OCA2: variants seen among roughly 807,000 people sequenced by gnomAD.
OCA2 encodes P protein.
OCA2 carries 77 observed loss-of-function variants against 100.2 expected under a neutral mutation model. The ratio of observed to expected loss-of-function variants is 0.77; its 90% CI spans 0.64 to 0.93. The LOEUF is 0.93. Ranked by LOEUF, OCA2 falls within the 40% of genes least tolerant of loss-of-function variation. OCA2 has a pLI of 0.00. For synonymous variants in OCA2, 432 were observed against 439.2 expected (o/e 0.98, Z 0.21); for missense variants, 1,062 against 1,089.1 (o/e 0.98, Z 0.35).
intron 2 of OCA2, among the ~76,000 whole-genome samples, chr15:28,060,159 G>T (rs72712692): frequency 0.098 from 14,843 of 152,162 alleles, 871 homozygotes; most frequent in African/African-American, 0.16. Flanking sequence ...TGCCGGCCCC[G>T]CACTGAGGCA....
chr15:27,788,129 A>G (rs1365816791), intron 23 of OCA2, among the ~76,000 whole-genome samples: 1 of 151,936 alleles, frequency 6.6e-6, no homozygotes, highest in Non-Finnish European at 1.5e-5. Context: ...TCAGCACTTG[A>G]TTTATGGCCT....
chr15:28,079,957 C>A (rs118038694), intron 2 of OCA2, among the ~76,000 whole-genome samples: 4 of 152,206 alleles, frequency 2.6e-5, no homozygotes, highest in African/African-American at 9.7e-5. Flanking sequence ...CCCCAGTCTG[C>A]CCCTGGTACA....
intron 9 of OCA2, 44 bp downstream of exon 9, chr15:28,014,732 G>C: frequency 1.9e-6 from 3 of 1,602,150 alleles, no homozygotes; most frequent in Middle Eastern, 1.7e-4. Context: ...AAGCCTCCCT[G>C]ACTGTGGGCC....
intron 9 of OCA2, among the ~76,000 whole-genome samples, chr15:28,008,099 A>G (rs2042139184): frequency 6.6e-6 from 1 of 152,242 alleles, no homozygotes; most frequent in Admixed American, 6.5e-5. Context: ...ACTGGGAATC[A>G]ACACTGAACA....
chr15:27,838,818 A>G (rs1324940205), intron 23 of OCA2, among the ~76,000 whole-genome samples: 1 of 152,210 alleles, frequency 6.6e-6, no homozygotes, highest in Non-Finnish European at 1.5e-5. Flanking sequence ...TTAAGGATGT[A>G]GAACGCAGCT....
chr15:27,908,276 A>G (rs189609220), intron 19 of OCA2, among the ~76,000 whole-genome samples: 1 of 152,334 alleles, frequency 6.6e-6, no homozygotes, highest in East Asian at 1.9e-4. Flanking sequence ...AGTGAAAAAT[A>G]ATATGATGAT....
chr15:27,894,379 G>A (rs557740515), intron 19 of OCA2, among the ~76,000 whole-genome samples: 39 of 152,266 alleles, frequency 2.6e-4, no homozygotes, highest in Non-Finnish European at 4.1e-4. Flanking sequence ...CTGAAAGCTG[G>A]GAAATGAAAC....
At chr15:27,850,922 C>T (rs2035724859) in intron 22 of OCA2, among the ~76,000 whole-genome samples, 1 of 152,180 alleles carries the variant, frequency 6.6e-6, no homozygotes, top group Non-Finnish European at 1.5e-5. Flanking sequence ...TAATCCACTC[C>T]TCACTGTCTC....
rs759428753 is a variant in OCA2, at chr15:27,755,181, G to C, written c.*207C>G. On this transcript the variant is annotated 3_prime_UTR_variant, in exon 24 of 24. Coordinates refer to ENST00000354638, the MANE Select transcript of OCA2 (RefSeq NM_000275.3). ...CATCTTTCTACATTTTGTCCTTGGG[G>C]AGAAAGGACACACAGAGGAGGTCAT... 3.6e-6 allele frequency: 2 copies of C among 551,490 alleles called. No homozygotes were observed. Among genetic ancestry groups the C allele is most frequent in the Non-Finnish European group, 6.6e-6 (2 of 300,982 alleles). The allele number at this position is 551,490 out of a possible 1,614,324, so 34.2% of individuals were successfully genotyped here.
At chr15:28,089,407 A>T (rs7496514) in intron 1 of OCA2, among the ~76,000 whole-genome samples, 55,436 of 152,046 alleles carry the variant, frequency 0.36, 13,964 homozygotes, top group East Asian at 0.78. Flanking sequence ...CAATTTATGT[A>T]AAGAGATTGC....
At chr15:27,739,693 G>A in the OCA2 span, among the ~76,000 whole-genome samples, 13 of 152,058 alleles carry the variant, frequency 8.5e-5, no homozygotes, top group Non-Finnish European at 2.9e-5. Context: ...TGATCCACCC[G>A]CCTTGGCCTC....
chr15:27,741,498 A>G, the OCA2 span, among the ~76,000 whole-genome samples: 2 of 152,226 alleles, frequency 1.3e-5, no homozygotes, highest in Non-Finnish European at 2.9e-5. Context: ...CTCAGTGGAC[A>G]TGAGAAAGGA....
At chr15:27,809,013 G>T (rs2033971421) in intron 23 of OCA2, among the ~76,000 whole-genome samples, 1 of 152,136 alleles carries the variant, frequency 6.6e-6, no homozygotes, top group Admixed American at 6.5e-5. Flanking sequence ...TCCAGCCAGT[G>T]TCCTCCACAC....
At chr15:27,754,564 C>T (rs1181401954), downstream of OCA2, among the ~76,000 whole-genome samples, 1 of 152,176 alleles carries the variant, frequency 6.6e-6, no homozygotes, top group East Asian at 1.9e-4. Flanking sequence ...TCTCATTACC[C>T]TTACCTCACA....
chr15:27,841,107 T>C (rs1416554088), intron 23 of OCA2, among the ~76,000 whole-genome samples: 1 of 152,232 alleles, frequency 6.6e-6, no homozygotes, highest in Non-Finnish European at 1.5e-5. Flanking sequence ...CTGTGGTCCA[T>C]CCATACCATG....
At chr15:27,979,905 G>A (rs555924318) in intron 14 of OCA2, among the ~76,000 whole-genome samples, 1 of 144,664 alleles carries the variant, frequency 6.9e-6, no homozygotes, top group African/African-American at 2.6e-5. Flanking sequence ...TAGTAGAGAC[G>A]GGTTTTAACC....
At chr15:27,852,706 G>T (rs1431435902) in intron 21 of OCA2, among the ~76,000 whole-genome samples, 35 of 150,512 alleles carry the variant, frequency 2.3e-4, no homozygotes, top group South Asian at 2.1e-4. Context: ...AATCTACAAT[G>T]AACTCCAACA....
intron 2 of OCA2, among the ~76,000 whole-genome samples, chr15:28,063,665 A>G (rs1468859038): frequency 2.0e-5 from 3 of 152,124 alleles, no homozygotes; most frequent in Middle Eastern, 3.2e-3. Context: ...TTTCAGCTCT[A>G]TACAGAACCT....
chr15:27,799,242 C>T (rs1044966893), intron 23 of OCA2, among the ~76,000 whole-genome samples: 4 of 152,230 alleles, frequency 2.6e-5, no homozygotes, highest in African/African-American at 7.2e-5. Context: ...TAAACACCTA[C>T]TGCAGGCAGG....
Sources: gnomAD v4.1 joint callset for allele counts (sites outside exome capture counted in the v4.1 genomes callset) on GRCh38, gnomAD v4.1.1 for gene constraint, MANE v1.5 for transcripts, NCBI Gene and HGNC (gene_info 2026-07-23, HGNC 2026-07-21) for gene names.